The following ANKK1 variants were observed in gnomAD, a reference collection of about 807,000 sequenced individuals.
ANKK1 encodes ankyrin repeat and kinase domain containing 1.
ANKK1 carries 37 observed loss-of-function variants against 37.6 expected under a neutral mutation model. The ratio of observed to expected loss-of-function variants is 0.98; its 90% CI spans 0.76 to 1.29. ANKK1 has a LOEUF of 1.29. Among genes scored for constraint, ANKK1 ranks in the 50% most tolerant of loss-of-function variants. ANKK1 has a pLI of 0.00. For missense variants in ANKK1, 1,019 were observed against 990.6 expected, an observed-to-expected ratio of 1.03 and a Z score of -0.39; for synonymous variants, 415 against 418.7, an observed-to-expected ratio of 0.99 and a Z score of 0.11.
intron 3 of ANKK1, 65 bp from the exon 4 acceptor site, chr11:113,395,294 C>T (rs1427234798): frequency 1.2e-6 from 2 of 1,600,794 alleles, no homozygotes; most frequent in African/African-American, 2.7e-5. Context: ...GACCCTGCCA[C>T]CCCGGGCTGG....
At chr11:113,388,721 C>G (rs1056059307) in intron 1 of ANKK1, among the ~76,000 whole-genome samples, 5 of 152,202 alleles carry the variant, frequency 3.3e-5, no homozygotes, top group African/African-American at 1.2e-4. Flanking sequence ...TTGACATGCC[C>G]CTATTTTTCT....
chr11:113,397,846 G>A (rs776506177), intron 6 of ANKK1, 134 bp from the exon 7 acceptor site: 15 of 992,808 alleles, frequency 1.5e-5, no homozygotes, highest in Non-Finnish European at 1.7e-5. Context: ...AAAGGATAAA[G>A]GTTTCCCAGG....
At position 113,395,260 on chromosome 11, in the gene ANKK1, G is replaced by C. The variant is rs112241077; in HGVS notation, c.633-99G>C. The C allele has an allele frequency of 1.5e-4, 235 of 1,534,780 alleles. No homozygotes were observed. The African/African-American group carries it at 2.5e-3, about 17-fold the overall frequency. Reference sequence around the variant, plus strand: ...TACTTTGGCCGGTGAGGCTTGCCTGGGACTGTGTGAACTGTAGCCCCCCGA... The same window carrying C: ...TACTTTGGCCGGTGAGGCTTGCCTGCGACTGTGTGAACTGTAGCCCCCCGA... On this transcript the variant is annotated intron_variant, in intron 3 of 7. Transcript: ENST00000303941.
chr11:113,400,204 G>C lies in ANKK1; in HGVS notation c.2235G>C (p.Glu745Asp). Residue 745 changes from glutamate (E) to aspartate (D), a missense_variant, in exon 8 of 8, where the codon GAG (glutamate) becomes GAC (aspartate). Glu to Asp is a conservative substitution (Grantham distance 45). Coordinates refer to ENST00000303941, the MANE Select transcript of ANKK1 (RefSeq NM_178510.2). ...SRKQGIMSFL[E>D]GKEPSVATLG... The stretch of plus-strand genomic sequence containing the variant: ...AGCAGGGCATCATGTCCTTCCTAGA[G>C]GGCAAGGAGCCGTCAGTGGCCACTC... 6.4e-7 allele frequency: 1 copy of C among 1,556,966 alleles called. No individual in the cohort carries two copies.
At chr11:113,394,765 G>A in intron 2 of ANKK1, 164 bp from the exon 3 acceptor site, 1 of 954,934 alleles carries the variant, frequency 1.0e-6, no homozygotes, top group South Asian at 1.4e-5. Flanking sequence ...AAGTAATTTG[G>A]CCAAGACCAT....
At chr11:113,389,451 C>T (rs1253819341) in intron 1 of ANKK1, among the ~76,000 whole-genome samples, 1 of 152,186 alleles carries the variant, frequency 6.6e-6, no homozygotes, top group African/African-American at 2.4e-5. Flanking sequence ...CTGTTCTACA[C>T]CCTGGGATTA....
At chr11:113,395,436 G>T in intron 4 of ANKK1, 28 bp downstream of exon 4, 2 of 1,612,400 alleles carry the variant, frequency 1.2e-6, no homozygotes, top group South Asian at 2.2e-5. Flanking sequence ...GCTCTGTGTT[G>T]GGGGCAGGAG....
In ANKK1 at chr11:113,387,890, T is replaced by C; in HGVS notation, c.6T>C (p.Ala2=). 6.5e-7 allele frequency: 1 copy of C among 1,545,940 alleles called. No individual in the cohort carries two copies. Residue 2 remains alanine, a synonymous_variant, in exon 1 of 8, where the codon GCT becomes GCC. Coordinates refer to ENST00000303941, the MANE Select transcript of ANKK1 (RefSeq NM_178510.2). M[A]ADPTELRLGS... is the part of the protein sequence containing the mutation. The stretch of plus-strand genomic sequence containing the variant: ...GGGACAGGAAGAGAGGGGCAATGGC[T>C]GCCGACCCCACCGAGCTGCGGCTGG...
Position 113,394,972 on chromosome 11 carries a change from G to A in ANKK1, c.524G>A (p.Arg175Gln), listed in dbSNP as rs375367141. ...GLSKWMEQST[R>Q]MQYIERSALR... ...TCCAAGTGGATGGAACAGTCCACCC[G>A]GATGCAGTACATCGAGAGGTCGGCT... is the stretch of plus-strand genomic sequence containing the variant. The change falls in exon 3 of 8, where the codon CGG (arginine) becomes CAG (glutamine). Residue 175 changes from arginine (R) to glutamine (Q), a missense_variant. Transcript: ENST00000303941. The A allele has an allele frequency of 4.9e-5, 79 of 1,613,452 alleles. No homozygotes were observed. Among genetic ancestry groups the A allele is most frequent in the South Asian group, 1.1e-4 (10 of 90,934 alleles).
At position 113,393,512 on chromosome 11, in the gene ANKK1, G is replaced by A; in HGVS notation, c.217G>A (p.Ala73Thr). Reference sequence around the variant, plus strand: ...TGTGAATTACCTCATTGAAGAAGCTGCCAAAATGAAGAAGATCAAGTTTCA... The same window carrying A: ...TGTGAATTACCTCATTGAAGAAGCTACCAAAATGAAGAAGATCAAGTTTCA... ...SDVNYLIEEAAKMKKIKFQHI... is the reference protein window; with the variant it reads ...SDVNYLIEEATKMKKIKFQHI... Residue 73 changes from alanine (A) to threonine (T), a missense_variant, in exon 2 of 8, where the codon GCC (alanine) becomes ACC (threonine). Transcript: ENST00000303941. 1 of 1,613,790 alleles carries A rather than the reference G, an allele frequency of 6.2e-7. No individual in the cohort carries two copies. Among genetic ancestry groups the A allele is most frequent in the Non-Finnish European group, 8.5e-7 (1 of 1,179,744 alleles).
Position 113,400,113 on chromosome 11 carries a change from G to T in ANKK1, c.2144G>T (p.Gly715Val). ...TAILKVLVEA[G>V]AQLDVQDGVS... is the part of the protein sequence containing the mutation. ...ATCCTCAAAGTGCTGGTCGAGGCAG[G>T]CGCCCAGCTGGACGTCCAGGATGGA... is the stretch of plus-strand genomic sequence containing the variant. Residue 715 changes from glycine (G) to valine (V), a missense_variant, in exon 8 of 8, where the codon GGC becomes GTC. By Grantham distance (109) the Gly-to-Val change is moderately radical. Coordinates refer to ENST00000303941, the MANE Select transcript of ANKK1 (RefSeq NM_178510.2). 2 of 1,612,514 alleles carry T rather than the reference G, an allele frequency of 1.2e-6. No homozygotes were observed. The highest frequency in any genetic ancestry group is 1.7e-6 in the Non-Finnish European group (2 of 1,179,482).
chr11:113,393,636 GC>G lies in ANKK1; in HGVS notation c.343del (p.Leu115SerfsTer17). ...CTGGAGAAGGTGCTGTCCACCCACA[GC>G]CTCTGCTGGAAGCTCAGGTTCCGCA... ...GSLEKVLSTH[S>X]LCWKLRFRII... On this transcript the variant is annotated frameshift_variant, in exon 2 of 8. Transcript: ENST00000303941. LOFTEE classifies it high-confidence loss of function. 1 of 1,613,944 alleles carries G rather than the reference GC, an allele frequency of 6.2e-7. No homozygotes were observed. The highest frequency in any genetic ancestry group is 8.5e-7 in the Non-Finnish European group (1 of 1,179,836).
At chr11:113,398,386 A>G (rs980613564) in intron 7 of ANKK1, among the ~76,000 whole-genome samples, 2 of 150,154 alleles carry the variant, frequency 1.3e-5, no homozygotes, top group Non-Finnish European at 3.0e-5. Flanking sequence ...TGTGAGGGTT[A>G]GGCCTGGGTA....
chr11:113,399,035 C>T lies in ANKK1; in HGVS notation c.1066C>T (p.Leu356=), dbSNP rs1303621306. The change falls in exon 8 of 8, where the codon CTG becomes TTG. Residue 356 remains leucine, a synonymous_variant. Transcript: ENST00000303941. Reference sequence around the variant, plus strand: ...GAATTTGGTCCCGAGAGATGAGGAACTGTGTATCTATGAGAACAAGGTCAC... The same window carrying T: ...GAATTTGGTCCCGAGAGATGAGGAATTGTGTATCTATGAGAACAAGGTCAC... ...RKNLVPRDEE[L]CIYENKVTPL... 8 of 1,602,812 alleles carry T rather than the reference C, an allele frequency of 5.0e-6. No individual in the cohort carries two copies. Among genetic ancestry groups the T allele is most frequent in the Admixed American group, 1.7e-5 (1 of 58,750 alleles).
intron 2 of ANKK1, 22 bp from the exon 3 acceptor site, chr11:113,394,907 C>G (rs764581391): frequency 6.2e-7 from 1 of 1,602,908 alleles, no homozygotes. Context: ...ACGGCTTTAT[C>G]TCTGCCCCTG....
chr11:113,399,218 C>T lies in ANKK1; in HGVS notation c.1249C>T (p.His417Tyr), dbSNP rs1354436230. 1 of 1,605,754 alleles carries T rather than the reference C, an allele frequency of 6.2e-7. No individual in the cohort carries two copies. The highest frequency in any genetic ancestry group is 1.1e-5 in the South Asian group (1 of 88,944). ...CGACCTCTGTGCCCTGCTTTTGGCA[C>T]ATGGTGCTGATGCCAACCGAGTGGA... Reference protein sequence around the residue: ...QPDLCALLLAHGADANRVDED... With the variant: ...QPDLCALLLAYGADANRVDED... Residue 417 changes from histidine to tyrosine, a missense_variant, in exon 8 of 8, where the codon CAT becomes TAT. His to Tyr is a moderately conservative substitution (Grantham distance 83, BLOSUM62 2). Transcript: ENST00000303941.
chr11:113,389,079 G>A (rs765458238), intron 1 of ANKK1, among the ~76,000 whole-genome samples: 19 of 152,150 alleles, frequency 1.2e-4, no homozygotes, highest in Non-Finnish European at 2.2e-4. Context: ...AAATAAGATC[G>A]CCTAAGGCCC....
chr11:113,397,099 T>C, intron 5 of ANKK1, 125 bp from the exon 6 acceptor site: 1 of 765,494 alleles, frequency 1.3e-6, no homozygotes, highest in Non-Finnish European at 2.1e-6. Context: ...CGTGCATTTA[T>C]ATGAACATAT....
At chr11:113,390,616 T>C (rs1950579915) in intron 1 of ANKK1, among the ~76,000 whole-genome samples, 1 of 151,746 alleles carries the variant, frequency 6.6e-6, no homozygotes, top group Admixed American at 6.6e-5. Context: ...GCACCTGTAG[T>C]CCCAGCTACT....
Sources: allele counts gnomAD v4.1 joint callset (sites outside exome capture counted in the v4.1 genomes callset), GRCh38; gene constraint gnomAD v4.1.1; transcripts MANE v1.5; gene names NCBI Gene and HGNC (gene_info 2026-07-23, HGNC 2026-07-21).